The following TMCC1 variants were observed in gnomAD, a reference collection of about 807,000 sequenced individuals.
The protein encoded by TMCC1 is transmembrane and coiled-coil domains protein 1.
In TMCC1, 15 loss-of-function variants were observed where a neutral mutation model predicts 52.4. The ratio of observed to expected loss-of-function variants is 0.29; its 90% CI spans 0.19 to 0.44. The LOEUF is 0.44. Ranked by LOEUF, TMCC1 falls within the 20% of genes least tolerant of loss-of-function variation. The pLI is 1.00. For missense variants in TMCC1, 503 were observed against 806.0 expected (o/e 0.62, Z 4.55); for synonymous variants, 279 against 301.9 (o/e 0.92, Z 0.79).
At chr3:129,665,118 C>T (rs372800307) in intron 5 of TMCC1, among the ~76,000 whole-genome samples, 157 of 152,330 alleles carry the variant, frequency 1.0e-3, no homozygotes, top group African/African-American at 3.4e-3. Context: ...AATACATGAT[C>T]TCACTCATAG....
chr3:129,798,681 A>C (rs983256225), intron 4 of TMCC1, among the ~76,000 whole-genome samples: 4 of 152,218 alleles, frequency 2.6e-5, no homozygotes, highest in Non-Finnish European at 4.4e-5. Flanking sequence ...ATAGTAACAA[A>C]ATTCAGTAAT....
intron 4 of TMCC1, among the ~76,000 whole-genome samples, chr3:129,726,372 A>G (rs2050081918): frequency 8.1e-6 from 1 of 123,284 alleles, no homozygotes; most frequent in Non-Finnish European, 1.7e-5. Flanking sequence ...CTAGGCTACT[A>G]TTTCTCAACA....
rs527809217 is a variant in TMCC1, at chr3:129,804,639, A to T, written c.576+23164T>A. ...ATTTGCTGAAATCCTATACAGGTCC[A>T]TAGCTTGTCAGCCAGGTATTTGGAG... On this transcript the variant is annotated intron_variant, in intron 4 of 6. Transcript: ENST00000393238. 3.3e-5 allele frequency among the ~76,000 whole-genome samples: 5 copies of T among 152,348 alleles called. 1 individual carries two copies. In the South Asian group the frequency reaches 1.0e-3, roughly 32 times the overall value.
intron 4 of TMCC1, among the ~76,000 whole-genome samples, chr3:129,776,173 T>C (rs2055023679): frequency 6.6e-6 from 1 of 152,222 alleles, no homozygotes; most frequent in Non-Finnish European, 1.5e-5. Flanking sequence ...TTCTATCACA[T>C]TACCTTGATT....
chr3:129,853,535 AG>A (rs1388845182), intron 2 of TMCC1, among the ~76,000 whole-genome samples: 2 of 151,294 alleles, frequency 1.3e-5, no homozygotes, highest in Non-Finnish European at 2.9e-5. Context: ...AGGCTAAGGC[AG>A]GAGGATTGCT....
intron 4 of TMCC1, among the ~76,000 whole-genome samples, chr3:129,784,855 T>C (rs1233924143): frequency 1.3e-5 from 2 of 151,972 alleles, no homozygotes; most frequent in African/African-American, 4.8e-5. Flanking sequence ...TCCCAGCTAC[T>C]TGAGAGGCTG....
intron 2 of TMCC1, among the ~76,000 whole-genome samples, chr3:129,836,698 T>C (rs2059175489): frequency 6.6e-6 from 1 of 152,220 alleles, no homozygotes; most frequent in Admixed American, 6.5e-5. Context: ...AGAATCCCAG[T>C]GCAGATAGGA....
chr3:129,806,287 G>C (rs2057460839), intron 4 of TMCC1, among the ~76,000 whole-genome samples: 1 of 152,114 alleles, frequency 6.6e-6, no homozygotes, highest in African/African-American at 2.4e-5. Context: ...GACAGCAATA[G>C]ATAAAAGATT....
chr3:129,888,880 A>C (rs891835436), intron 1 of TMCC1, among the ~76,000 whole-genome samples: 2 of 152,174 alleles, frequency 1.3e-5, no homozygotes, highest in East Asian at 1.9e-4. Flanking sequence ...GATGAGAATG[A>C]CACTTTAGCC....
intron 4 of TMCC1, among the ~76,000 whole-genome samples, chr3:129,675,846 G>T (rs926484058): frequency 6.6e-6 from 1 of 151,824 alleles, no homozygotes; most frequent in African/African-American, 2.4e-5. Flanking sequence ...GACCATCCTG[G>T]CTAACACGGT....
At chr3:129,756,845 G>A (rs2053057958) in intron 4 of TMCC1, among the ~76,000 whole-genome samples, 1 of 152,214 alleles carries the variant, frequency 6.6e-6, no homozygotes, top group African/African-American at 2.4e-5. Flanking sequence ...GTAGTGAGGG[G>A]AGTTGTTGAT....
intron 4 of TMCC1, among the ~76,000 whole-genome samples, chr3:129,693,854 G>T (rs529474133): frequency 6.6e-6 from 1 of 152,220 alleles, no homozygotes; most frequent in African/African-American, 2.4e-5. Flanking sequence ...ACTGTTATTT[G>T]CATAGGATCA....
At chr3:129,721,014 G>A (rs1325921493) in intron 4 of TMCC1, among the ~76,000 whole-genome samples, 1 of 152,090 alleles carries the variant, frequency 6.6e-6, no homozygotes, top group African/African-American at 2.4e-5. Flanking sequence ...TTTTAAGGTG[G>A]GGTGTTACAC....
intron 2 of TMCC1, among the ~76,000 whole-genome samples, chr3:129,850,750 GTAT>G (rs1384277647): frequency 6.6e-6 from 1 of 152,186 alleles, no homozygotes; most frequent in African/African-American, 2.4e-5. Flanking sequence ...ATTTAGCCAT[GTAT>G]TTATTAACAG....
chr3:129,806,165 A>C (rs2057452444), intron 4 of TMCC1, among the ~76,000 whole-genome samples: 1 of 152,144 alleles, frequency 6.6e-6, no homozygotes, highest in African/African-American at 2.4e-5. Flanking sequence ...ATTCTAATAC[A>C]AGTTTGGGAA....
chr3:129,751,680 C>T (rs1177272148), intron 4 of TMCC1, among the ~76,000 whole-genome samples: 1 of 152,028 alleles, frequency 6.6e-6, no homozygotes, highest in Non-Finnish European at 1.5e-5. Flanking sequence ...CCTGCCTCAG[C>T]CTCCTGAGTA....
At chr3:129,682,662 A>G (rs6780938) in intron 4 of TMCC1, among the ~76,000 whole-genome samples, 94,081 of 152,050 alleles carry the variant, frequency 0.62, 35,132 homozygotes, top group Non-Finnish European at 0.83. Flanking sequence ...CTATTTCTAC[A>G]TGAATATCCT....
chr3:129,669,846 C>CACT (rs1482456908), intron 5 of TMCC1, among the ~76,000 whole-genome samples: 1 of 152,150 alleles, frequency 6.6e-6, no homozygotes, highest in Non-Finnish European at 1.5e-5. Context: ...TGTTTAAGTC[C>CACT]ACTCTCATTC....
chr3:129,669,436 ATTT>A (rs746722233), intron 5 of TMCC1, among the ~76,000 whole-genome samples: 1 of 144,406 alleles, frequency 6.9e-6, no homozygotes, highest in African/African-American at 2.5e-5. Context: ...TTAGAAAAAA[ATTT>A]TTTTTTTTTT....
Sources: allele counts gnomAD v4.1 joint callset (sites outside exome capture counted in the v4.1 genomes callset), GRCh38; gene constraint gnomAD v4.1.1; transcripts MANE v1.5; gene names NCBI Gene and HGNC (gene_info 2026-07-23, HGNC 2026-07-21).